MAST2: variants seen among roughly 807,000 people sequenced by gnomAD.
The protein encoded by MAST2 is microtubule associated serine/threonine kinase 2.
MAST2 carries 70 observed loss-of-function variants against 147.4 expected under a neutral mutation model. The ratio of observed to expected loss-of-function variants is 0.47; its 90% CI spans 0.39 to 0.58. The LOEUF is 0.58. MAST2 is among the 20% of genes least tolerant of loss of function. The probability of loss-of-function intolerance (pLI) is 0.00; values close to 1 mark genes in which losing one functional copy is unlikely to be tolerated. For missense variants in MAST2, 2,080 were observed against 2,302.3 expected (o/e 0.90, Z 1.98); for synonymous variants, 869 against 896.8 (o/e 0.97, Z 0.55).
Position 46,023,420 on chromosome 1 carries a change from C to A in MAST2, c.1571+102C>A. The A allele has an allele frequency of 9.3e-7, 1 of 1,072,908 alleles. No individual in the cohort carries two copies. Among genetic ancestry groups the A allele is most frequent in the Non-Finnish European group, 1.4e-6 (1 of 704,316 alleles). The allele number at this position is 1,072,908 out of a possible 1,614,324, so 66.5% of individuals were successfully genotyped here. ...TGCCCAGTCCTCTGGGCAGATGCCTCGGGGTGGACCTTCTCACTCCCAGAA... is the reference window on the plus strand; with the variant it reads ...TGCCCAGTCCTCTGGGCAGATGCCTAGGGGTGGACCTTCTCACTCCCAGAA... On this transcript the variant is annotated intron_variant, in intron 14 of 28. Transcript: ENST00000361297. This position sits in a 1 kb window ranked among gnomAD's most constrained non-coding sequence, Gnocchi z 4.9.
intron 1 of MAST2, among the ~76,000 whole-genome samples, chr1:45,818,025 A>T (rs1163030986): frequency 2.0e-5 from 3 of 152,178 alleles, no homozygotes; most frequent in African/African-American, 4.8e-5. Flanking sequence ...CGTTGTCGAG[A>T]TGCTTGAAGA....
At chr1:46,009,931 C>T (rs1397936272) in intron 9 of MAST2, among the ~76,000 whole-genome samples, 2 of 152,174 alleles carry the variant, frequency 1.3e-5, no homozygotes, top group Non-Finnish European at 2.9e-5. Flanking sequence ...GCTAAGAACT[C>T]GTTCACAGAT....
At chr1:45,955,732 G>GGA (rs1443129300) in intron 4 of MAST2, among the ~76,000 whole-genome samples, 1 of 152,182 alleles carries the variant, frequency 6.6e-6, no homozygotes, top group Non-Finnish European at 1.5e-5. Context: ...AGAAAGGCGA[G>GGA]GAGGCCGGTG....
intron 4 of MAST2, among the ~76,000 whole-genome samples, chr1:45,936,285 C>A (rs900682711): frequency 2.0e-5 from 3 of 152,094 alleles, no homozygotes; most frequent in Non-Finnish European, 4.4e-5. Context: ...ATCTAGGAAC[C>A]TTTGGGCAGA....
At chr1:45,819,244 G>A (rs982962865) in intron 1 of MAST2, among the ~76,000 whole-genome samples, 3 of 131,254 alleles carry the variant, frequency 2.3e-5, no homozygotes, top group Non-Finnish European at 3.2e-5. Context: ...CAAGAGCAAA[G>A]TCTGTCTCAA....
chr1:45,921,995 A>G (rs1348545959), intron 4 of MAST2, among the ~76,000 whole-genome samples: 2 of 152,060 alleles, frequency 1.3e-5, no homozygotes, highest in Non-Finnish European at 2.9e-5. Flanking sequence ...CTTAGAGGGG[A>G]CCCGCAGTGG....
chr1:45,971,676 G>A (rs1243778914), intron 5 of MAST2, among the ~76,000 whole-genome samples: 1 of 152,118 alleles, frequency 6.6e-6, no homozygotes, highest in African/African-American at 2.4e-5. Flanking sequence ...TCTCAGAGCA[G>A]GTATTGAAGG....
rs149438255 is a variant in MAST2, at chr1:45,901,721, A to G, written c.500+19326A>G. 2.9e-3 allele frequency among the ~76,000 whole-genome samples: 441 copies of G among 152,128 alleles called. 2 individuals carry two copies. Among genetic ancestry groups the G allele is most frequent in the East Asian group, 0.02 (102 of 5,168 alleles). ...CATCTTCTTGGTTAAATGTATTCCTAAGTATTTTATTTTGGTTGTGGCAAT... is the reference window on the plus strand; with the variant it reads ...CATCTTCTTGGTTAAATGTATTCCTGAGTATTTTATTTTGGTTGTGGCAAT... On this transcript the variant is annotated intron_variant, in intron 4 of 28. Coordinates refer to ENST00000361297, the MANE Select transcript of MAST2 (RefSeq NM_015112.3).
intron 3 of MAST2, among the ~76,000 whole-genome samples, chr1:45,866,188 C>T (rs1646143807): frequency 6.6e-6 from 1 of 152,096 alleles, no homozygotes; most frequent in African/African-American, 2.4e-5. Context: ...ATTGATGGTG[C>T]TGTAAACATT....
intron 3 of MAST2, among the ~76,000 whole-genome samples, chr1:45,879,596 C>T (rs1646758224): frequency 1.4e-5 from 2 of 142,486 alleles, no homozygotes; most frequent in South Asian, 4.4e-4. Flanking sequence ...AAAAAAGGCA[C>T]CACCAATAAC....
At chr1:45,857,520 A>G (rs11211206) in intron 3 of MAST2, among the ~76,000 whole-genome samples, 121,208 of 152,152 alleles carry the variant, frequency 0.8, 48,763 homozygotes, top group East Asian at 0.98. Context: ...CAGGTTCTGT[A>G]CTTTGTGCTG....
chr1:45,836,611 A>C (rs1266245811), intron 3 of MAST2, among the ~76,000 whole-genome samples: 1 of 152,158 alleles, frequency 6.6e-6, no homozygotes, highest in Non-Finnish European at 1.5e-5. Flanking sequence ...CCCTTTCAGT[A>C]TTACCTTTCT....
chr1:45,852,864 G>A (rs1645666786), intron 3 of MAST2, among the ~76,000 whole-genome samples: 1 of 151,886 alleles, frequency 6.6e-6, no homozygotes, highest in African/African-American at 2.4e-5. Context: ...TAGATTTTAT[G>A]TGTTTGTTTT....
chr1:45,933,139 T>C (rs984519329), intron 4 of MAST2, among the ~76,000 whole-genome samples: 4 of 142,952 alleles, frequency 2.8e-5, no homozygotes, highest in Non-Finnish European at 1.5e-5. Flanking sequence ...AGGAGGATCA[T>C]TTAAGCCCAG....
chr1:45,875,639 G>C (rs1646574560), intron 3 of MAST2, among the ~76,000 whole-genome samples: 1 of 152,004 alleles, frequency 6.6e-6, no homozygotes, highest in Non-Finnish European at 1.5e-5. Flanking sequence ...AAGTAGAAGT[G>C]AATTGACAGA....
Position 46,035,602 on chromosome 1 carries a change from C to T in MAST2, c.4933C>T (p.Pro1645Ser), listed in dbSNP as rs370616417. 6.2e-6 allele frequency: 10 copies of T among 1,613,748 alleles called. No individual in the cohort carries two copies. The highest frequency in any genetic ancestry group is 8.5e-6 in the Non-Finnish European group (10 of 1,180,026). The change falls in exon 29 of 29, where the codon CCT becomes TCT. Residue 1645 changes from proline (P) to serine (S), a missense_variant. Pro to Ser is a moderately conservative substitution (Grantham distance 74, BLOSUM62 -1). Around this residue, in one of 4 missense-constraint regions of MAST2, gnomAD observed 1,278 missense variants for 1,304.2 expected, o/e 0.98. Transcript: ENST00000361297. This position sits in a 1 kb window ranked among gnomAD's most constrained non-coding sequence, Gnocchi z 5.5. ...SGLTPTSSCS[P>S]PSSTSGKLSM... ...ACTCACCCCCACCAGCAGTTGCTCT[C>T]CTCCCAGCTCCACCTCTGGGAAGCT...
intron 3 of MAST2, among the ~76,000 whole-genome samples, chr1:45,873,816 G>C (rs1305866531): frequency 6.6e-6 from 1 of 151,952 alleles, no homozygotes; most frequent in Non-Finnish European, 1.5e-5. Flanking sequence ...GTTTTTGTTT[G>C]TTTGTTTTTG....
In MAST2 at chr1:46,029,608, G is replaced by T. The variant is rs377141479; in HGVS notation, c.2320+41G>T. ...CTAACTTTTCTCACTACTTGGAAAA[G>T]GGGTAAGGGAGGCTGAGTCATGTAC... On this transcript the variant is annotated intron_variant, in intron 19 of 28. Transcript: ENST00000361297. 2.5e-6 allele frequency: 4 copies of T among 1,584,436 alleles called. No homozygotes were observed. In the African/African-American group the frequency reaches 4.0e-5, roughly 16 times the overall value.
At chr1:45,987,257 T>C (rs1022772672) in intron 5 of MAST2, among the ~76,000 whole-genome samples, 1 of 152,226 alleles carries the variant, frequency 6.6e-6, no homozygotes, top group Non-Finnish European at 1.5e-5. Context: ...TCTTTTTTTT[T>C]CCTGATTAGT....
Sources: allele counts gnomAD v4.1 joint callset (sites outside exome capture counted in the v4.1 genomes callset), GRCh38; gene constraint gnomAD v4.1.1; regional missense constraint gnomAD v4.1.1; non-coding constraint Gnocchi (gnomAD v3.1); transcripts MANE v1.5; gene names NCBI Gene and HGNC (gene_info 2026-07-23, HGNC 2026-07-21).